EXOC6B: variants seen among roughly 807,000 people sequenced by gnomAD.
EXOC6B encodes SEC15 homolog B.
A neutral mutation model predicts 113.5 loss-of-function variants in EXOC6B; 54 were observed. That is an observed-to-expected ratio of 0.48 (90% CI 0.38 to 0.60). The LOEUF is 0.60. Ranked by LOEUF, EXOC6B falls within the 20% of genes least tolerant of loss-of-function variation. The pLI, the probability that EXOC6B is intolerant of heterozygous loss-of-function variation, is 0.00. For missense variants in EXOC6B, 797 were observed against 977.5 expected (o/e 0.82, Z 2.46); for synonymous variants, 357 against 339.0 (o/e 1.05, Z -0.58).
At chr2:72,292,171 A>AAG (rs1685833749) in intron 20 of EXOC6B, among the ~76,000 whole-genome samples, 1 of 124,774 alleles carries the variant, frequency 8.0e-6, no homozygotes, top group Non-Finnish European at 1.7e-5. Context: ...ATCCAGAAGT[A>AAG]AGTGTGTGTG....
chr2:72,807,844 CAA>C (rs35368851), intron 1 of EXOC6B, among the ~76,000 whole-genome samples: 11 of 135,948 alleles, frequency 8.1e-5, no homozygotes, highest in African/African-American at 2.0e-4. Context: ...TTAATGAGTA[CAA>C]AAAAAAAAAA....
intron 5 of EXOC6B, among the ~76,000 whole-genome samples, chr2:72,720,024 G>A (rs1240681700): frequency 6.6e-6 from 1 of 152,052 alleles, no homozygotes; most frequent in Non-Finnish European, 1.5e-5. Context: ...GAAAGAAATG[G>A]AGCTAATGGA....
chr2:72,799,962 G>T (rs1200332401), intron 1 of EXOC6B, among the ~76,000 whole-genome samples: 1 of 152,018 alleles, frequency 6.6e-6, no homozygotes, highest in Non-Finnish European at 1.5e-5. Flanking sequence ...TTACTCCAAG[G>T]GCTTAAGTGG....
chr2:72,527,729 C>G (rs1301001667), intron 8 of EXOC6B, among the ~76,000 whole-genome samples: 1 of 151,936 alleles, frequency 6.6e-6, no homozygotes, highest in Non-Finnish European at 1.5e-5. Flanking sequence ...TGTCACTATT[C>G]TTATAGCAGT....
At chr2:72,482,694 ACTT>A (rs148843705) in intron 16 of EXOC6B, among the ~76,000 whole-genome samples, 1,938 of 152,288 alleles carry the variant, frequency 0.013, 21 homozygotes, top group African/African-American at 0.026. Context: ...ATACATTCTC[ACTT>A]CTTCTACATC....
chr2:72,734,282 TA>T (rs1297929828), intron 2 of EXOC6B, among the ~76,000 whole-genome samples: 1 of 152,168 alleles, frequency 6.6e-6, no homozygotes, highest in Non-Finnish European at 1.5e-5. Context: ...GAAGCCTCTT[TA>T]AAGTACCAGA....
intron 7 of EXOC6B, among the ~76,000 whole-genome samples, chr2:72,566,803 C>G (rs1274826679): frequency 5.3e-5 from 8 of 151,868 alleles, no homozygotes; most frequent in African/African-American, 1.2e-4. Flanking sequence ...GCTGAATAAA[C>G]CATGGTACAT....
chr2:72,539,764 G>T (rs538695473), intron 8 of EXOC6B, among the ~76,000 whole-genome samples: 84 of 151,754 alleles, frequency 5.5e-4, no homozygotes, highest in African/African-American at 1.8e-3. Flanking sequence ...GCGCGCGCGC[G>T]TGTGTGTAGT....
chr2:72,518,483 G>GGTGTGTGTGTGTGT (rs138382972), intron 8 of EXOC6B, among the ~76,000 whole-genome samples: 3 of 143,382 alleles, frequency 2.1e-5, no homozygotes, highest in African/African-American at 7.7e-5. Flanking sequence ...ATTAAAGTAG[G>GGTGTGTGTGTGTGT]GTGTGTGTGT....
intron 20 of EXOC6B, among the ~76,000 whole-genome samples, chr2:72,317,132 A>G (rs1454326826): frequency 6.6e-6 from 1 of 151,222 alleles, no homozygotes; most frequent in Non-Finnish European, 1.5e-5. Flanking sequence ...AAGCAGGCAA[A>G]TGCTACCATG....
chr2:72,199,742 C>T (rs888690912), intron 20 of EXOC6B, among the ~76,000 whole-genome samples: 1 of 152,106 alleles, frequency 6.6e-6, no homozygotes, highest in Non-Finnish European at 1.5e-5. Context: ...ACAATTTTTG[C>T]CCGAATTCTG....
In EXOC6B at chr2:72,529,811, A is replaced by G. The variant is rs184325269; in HGVS notation, c.916-14685T>C. Among the ~76,000 whole-genome samples, 108 of 152,220 alleles carry G rather than the reference A, an allele frequency of 7.1e-4. 3 individuals are homozygous for G. Among genetic ancestry groups the G allele is most frequent in the East Asian group, 5.4e-3 (28 of 5,178 alleles). ...TTAATTCAATTTCCTTCATAGCCATAGGGTTATTCAAATTATCCATTTCAT... is the reference window on the plus strand; with the variant it reads ...TTAATTCAATTTCCTTCATAGCCATGGGGTTATTCAAATTATCCATTTCAT... On this transcript the variant is annotated intron_variant, in intron 8 of 21. Transcript: ENST00000272427.
At chr2:72,238,251 T>A (rs977343358) in intron 20 of EXOC6B, among the ~76,000 whole-genome samples, 1 of 152,230 alleles carries the variant, frequency 6.6e-6, no homozygotes, top group African/African-American at 2.4e-5. Flanking sequence ...ACTTCATTCC[T>A]TTTTATTGCT....
At chr2:72,368,038 G>A (rs947705233) in intron 19 of EXOC6B, among the ~76,000 whole-genome samples, 1 of 152,134 alleles carries the variant, frequency 6.6e-6, no homozygotes, top group Non-Finnish European at 1.5e-5. Context: ...GATTAGGGTG[G>A]TATGTGACTT....
chr2:72,379,154 C>A (rs1267368449), intron 19 of EXOC6B, among the ~76,000 whole-genome samples: 1 of 152,012 alleles, frequency 6.6e-6, no homozygotes, highest in Non-Finnish European at 1.5e-5. Flanking sequence ...CTAATTATAC[C>A]AAAGGAGGAG....
chr2:72,526,146 G>A (rs1368676995), intron 8 of EXOC6B, among the ~76,000 whole-genome samples: 3 of 151,994 alleles, frequency 2.0e-5, no homozygotes, highest in South Asian at 2.1e-4. Flanking sequence ...TCTGTTTCAC[G>A]TTGCCAAAAG....
At chr2:72,552,985 C>A (rs928561931) in intron 8 of EXOC6B, among the ~76,000 whole-genome samples, 5 of 151,584 alleles carry the variant, frequency 3.3e-5, no homozygotes, top group Non-Finnish European at 7.4e-5. Context: ...TACTGAACAA[C>A]AAAGCAATGA....
At chr2:72,233,456 G>A (rs990361710) in intron 20 of EXOC6B, among the ~76,000 whole-genome samples, 1 of 152,282 alleles carries the variant, frequency 6.6e-6, no homozygotes, top group Admixed American at 6.5e-5. Flanking sequence ...GGAAAGGGGA[G>A]AGAGGGACAG....
At chr2:72,422,514 G>A (rs192564188) in intron 18 of EXOC6B, among the ~76,000 whole-genome samples, 26 of 151,940 alleles carry the variant, frequency 1.7e-4, no homozygotes, top group South Asian at 1.0e-3. Context: ...TGCACCAATC[G>A]ACACTCTGTA....
Sources: gnomAD v4.1 joint callset for allele counts (sites outside exome capture counted in the v4.1 genomes callset) on GRCh38, gnomAD v4.1.1 for gene constraint, MANE v1.5 for transcripts, NCBI Gene and HGNC (gene_info 2026-07-23, HGNC 2026-07-21) for gene names.